ARB2A: variants seen among roughly 807,000 people sequenced by gnomAD.
ARB2A encodes the protein ARB2 cotranscriptional regulator A.
chr5:93,794,506 C>A, the ARB2A span, among the ~76,000 whole-genome samples: 1 of 152,002 alleles, frequency 6.6e-6, no homozygotes, highest in Non-Finnish European at 1.5e-5. Flanking sequence ...CGTGTTTTGT[C>A]ATATTACCAG....
chr5:93,955,132 C>T, the ARB2A span, among the ~76,000 whole-genome samples: 10 of 152,060 alleles, frequency 6.6e-5, no homozygotes, highest in Admixed American at 4.6e-4. Context: ...GACTGCTCAC[C>T]GGATTTTCGG....
the ARB2A span, among the ~76,000 whole-genome samples, chr5:93,667,817 C>T: frequency 6.6e-6 from 1 of 152,074 alleles, no homozygotes; most frequent in Non-Finnish European, 1.5e-5. Context: ...TTTTTTGGGC[C>T]AATTTATAGG....
chr5:93,961,670 G>T, the ARB2A span, among the ~76,000 whole-genome samples: 1 of 151,850 alleles, frequency 6.6e-6, no homozygotes, highest in Non-Finnish European at 1.5e-5. Flanking sequence ...GCAACAGAGT[G>T]AGACTCTGTC....
At chr5:93,673,409 C>T in the ARB2A span, among the ~76,000 whole-genome samples, 1 of 150,848 alleles carries the variant, frequency 6.6e-6, no homozygotes, top group Non-Finnish European at 1.5e-5. Flanking sequence ...TTTCTTTTCT[C>T]TTTCAGCATT....
At chr5:93,930,133 G>C in the ARB2A span, among the ~76,000 whole-genome samples, 5 of 152,104 alleles carry the variant, frequency 3.3e-5, no homozygotes, top group Admixed American at 6.5e-5. Context: ...ATGTATCCAA[G>C]ATCTCTTACT....
At chr5:93,823,825 C>T in the ARB2A span, among the ~76,000 whole-genome samples, 1 of 151,892 alleles carries the variant, frequency 6.6e-6, no homozygotes, top group Non-Finnish European at 1.5e-5. Context: ...CATGGTGGTG[C>T]ATGCCTGTAA....
At chr5:94,013,906 C>T in the ARB2A span, among the ~76,000 whole-genome samples, 1 of 152,122 alleles carries the variant, frequency 6.6e-6, no homozygotes, top group Non-Finnish European at 1.5e-5. Flanking sequence ...GATGCCTCTC[C>T]CCACATACTG....
At chr5:93,915,940 A>G in the ARB2A span, among the ~76,000 whole-genome samples, 1 of 152,050 alleles carries the variant, frequency 6.6e-6, no homozygotes, top group Admixed American at 6.6e-5. Context: ...TTCATTTAAT[A>G]TTTGTTTCCA....
the ARB2A span, among the ~76,000 whole-genome samples, chr5:93,659,897 A>G: frequency 6.6e-6 from 1 of 152,160 alleles, no homozygotes; most frequent in Admixed American, 6.6e-5. Flanking sequence ...ATGCACCTGA[A>G]GTTCCACTTT....
chr5:93,832,291 A>G, the ARB2A span, among the ~76,000 whole-genome samples: 3 of 152,166 alleles, frequency 2.0e-5, no homozygotes, highest in African/African-American at 4.8e-5. Flanking sequence ...ACAGAAGCCA[A>G]TATCTTTGCA....
the ARB2A span, among the ~76,000 whole-genome samples, chr5:94,106,285 A>C: frequency 5.9e-5 from 9 of 152,108 alleles, no homozygotes; most frequent in African/African-American, 2.2e-4. Flanking sequence ...ACAAATTAAA[A>C]AGCAAAAAAA....
the ARB2A span, among the ~76,000 whole-genome samples, chr5:94,023,943 T>C: frequency 2.6e-5 from 4 of 152,118 alleles, no homozygotes; most frequent in Non-Finnish European, 4.4e-5. Flanking sequence ...TAAGACAAGA[T>C]AGAAAGAAAT....
the ARB2A span, among the ~76,000 whole-genome samples, chr5:94,088,922 G>A: frequency 2.6e-5 from 4 of 152,152 alleles, no homozygotes; most frequent in African/African-American, 7.2e-5. Flanking sequence ...TAAAGGATGG[G>A]TTCATTTAAT....
the ARB2A span, among the ~76,000 whole-genome samples, chr5:93,628,314 G>C: frequency 6.6e-6 from 1 of 152,080 alleles, no homozygotes; most frequent in African/African-American, 2.4e-5. Flanking sequence ...CTCCCAAAGT[G>C]CTGGGATTAC....
the ARB2A span, among the ~76,000 whole-genome samples, chr5:93,670,112 G>A: frequency 6.6e-6 from 1 of 151,922 alleles, no homozygotes; most frequent in East Asian, 1.9e-4. Context: ...ATCTCTAAAT[G>A]ATTATGTTGG....
chr5:93,707,719 T>C, the ARB2A span, among the ~76,000 whole-genome samples: 5 of 151,638 alleles, frequency 3.3e-5, no homozygotes, highest in Non-Finnish European at 7.4e-5. Context: ...GAATTACAGA[T>C]GCCCGCCCCC....
At chr5:93,966,829 ACTCGAATATCGTTAC>A in the ARB2A span, among the ~76,000 whole-genome samples, 1 of 152,088 alleles carries the variant, frequency 6.6e-6, no homozygotes, top group South Asian at 2.1e-4. Flanking sequence ...CTAACATACT[ACTCGAATATCGTTAC>A]CTGTCTGTTA....
the ARB2A span, chr5:93,776,208 T>C: frequency 3.1e-6 from 5 of 1,612,250 alleles, no homozygotes; most frequent in South Asian, 1.1e-5. Flanking sequence ...CTGATGTGTC[T>C]AATGGTTCTG....
the ARB2A span, among the ~76,000 whole-genome samples, chr5:93,748,214 T>C: frequency 6.6e-6 from 1 of 152,022 alleles, no homozygotes; most frequent in African/African-American, 2.4e-5. Flanking sequence ...AGACAATATA[T>C]TAAAGAACTG....
Sources: gnomAD v4.1 joint callset for allele counts (sites outside exome capture counted in the v4.1 genomes callset) on GRCh38, gnomAD v4.1.1 for gene constraint, MANE v1.5 for transcripts, NCBI Gene and HGNC (gene_info 2026-07-23, HGNC 2026-07-21) for gene names.